Variants in SSH2 observed in about 807,000 individuals in gnomAD.
SSH2 encodes protein phosphatase Slingshot homolog 2.
SSH2 carries 37 observed loss-of-function variants against 135.2 expected under a neutral mutation model. That is an observed-to-expected ratio of 0.27 (90% CI 0.21 to 0.36). SSH2 has a LOEUF of 0.36. Ranked by LOEUF, SSH2 falls within the 10% of genes least tolerant of loss-of-function variation. The pLI is 1.00. For missense variants in SSH2, 1,408 were observed against 1,765.3 expected (o/e 0.80, Z 3.63); for synonymous variants, 628 against 646.2 (o/e 0.97, Z 0.43).
Position 29,630,936 on chromosome 17 carries a change from G to T in SSH2, c.4258C>A (p.Pro1420Thr), listed in dbSNP as rs779399086. The part of the protein sequence containing the change: ...ACPAPGLAVA[P>T]RQQHGRTHPL... ...TGAGTTCTGCCGTGTTGCTGACGGG[G>T]TGCCACGGCCAGCCCTGGAGCTGGG... Residue 1420 changes from proline (P) to threonine (T), a missense_variant, in exon 16 of 16, where the codon CCC (proline) becomes ACC (threonine). By Grantham distance (38) the Pro-to-Thr change is conservative. Transcript: ENST00000540801. 5 of 1,609,502 alleles carry T rather than the reference G, an allele frequency of 3.1e-6. 1 individual carries two copies. The highest frequency in any genetic ancestry group is 4.3e-6 in the Non-Finnish European group (5 of 1,176,084).
At chr17:29,844,376 A>G (rs1432101208) in intron 2 of SSH2, among the ~76,000 whole-genome samples, 1 of 152,262 alleles carries the variant, frequency 6.6e-6, no homozygotes, top group Non-Finnish European at 1.5e-5. Context: ...AAATAGCCCT[A>G]CAATGGTAAA....
chr17:29,782,409 G>T (rs137977051), intron 3 of SSH2, among the ~76,000 whole-genome samples: 1 of 152,156 alleles, frequency 6.6e-6, no homozygotes, highest in African/African-American at 2.4e-5. Flanking sequence ...CTAGCCATTT[G>T]CCTGAATTAC....
chr17:29,741,627 T>C (rs1267080970), intron 3 of SSH2, among the ~76,000 whole-genome samples: 2 of 126,942 alleles, frequency 1.6e-5, no homozygotes, highest in African/African-American at 2.9e-5. Flanking sequence ...TTTTTTTTTT[T>C]TTTTTGAGAC....
At chr17:29,846,325 T>A (rs999917449) in intron 2 of SSH2, among the ~76,000 whole-genome samples, 1 of 152,176 alleles carries the variant, frequency 6.6e-6, no homozygotes, top group African/African-American at 2.4e-5. Context: ...TGAGCCACTG[T>A]GCCCAGTCTG....
At chr17:29,808,568 C>T (rs546317998) in intron 2 of SSH2, among the ~76,000 whole-genome samples, 31 of 152,332 alleles carry the variant, frequency 2.0e-4, no homozygotes, top group African/African-American at 7.2e-4. Context: ...ACTATCTTAC[C>T]TCAATCTTCC....
intron 1 of SSH2, among the ~76,000 whole-genome samples, chr17:29,867,748 T>C (rs1476627942): frequency 2.0e-5 from 3 of 152,184 alleles, no homozygotes; most frequent in Non-Finnish European, 2.9e-5. Flanking sequence ...ACTACAAAGT[T>C]AGGTGTCAGA....
At position 29,630,541 on chromosome 17, in the gene SSH2, C is replaced by T; in HGVS notation, c.*300G>A. The T allele has an allele frequency of 5.0e-6, 1 of 198,792 alleles. No individual in the cohort carries two copies. The highest frequency in any genetic ancestry group is 1.7e-4 in the South Asian group (1 of 5,798). The allele number at this position is 198,792 out of a possible 1,614,324, so 12.3% of individuals were successfully genotyped here. On this transcript the variant is annotated 3_prime_UTR_variant, in exon 16 of 16. Coordinates refer to ENST00000540801, the MANE Select transcript of SSH2 (RefSeq NM_001282129.2). The stretch of plus-strand genomic sequence containing the variant: ...AGAGGGCAAAATGAGAAGCAGGTGG[C>T]AGCTGACTGAAAAACAGCAATTTGC...
chr17:29,663,001 G>A (rs2037116058), intron 11 of SSH2, among the ~76,000 whole-genome samples: 1 of 152,222 alleles, frequency 6.6e-6, no homozygotes, highest in Non-Finnish European at 1.5e-5. Context: ...CTCCAGGAGA[G>A]CTGATGATAC....
chr17:29,809,189 G>C (rs77342302), intron 2 of SSH2, among the ~76,000 whole-genome samples: 7,498 of 152,260 alleles, frequency 0.049, 587 homozygotes, highest in African/African-American at 0.17. Flanking sequence ...AGGAAGCGGA[G>C]GTTGCAGTCA....
intron 1 of SSH2, among the ~76,000 whole-genome samples, chr17:29,863,020 TA>T (rs1204780420): frequency 2.0e-5 from 3 of 152,098 alleles, no homozygotes; most frequent in African/African-American, 7.2e-5. Context: ...GGTCTGTTTT[TA>T]TACAGCCAGC....
intron 14 of SSH2, chr17:29,642,969 G>A (rs1311818470): frequency 3.8e-6 from 1 of 261,566 alleles, no homozygotes; most frequent in Non-Finnish European, 5.9e-6. Flanking sequence ...TCAGGGCTCT[G>A]CCTCTTTGAG....
intron 14 of SSH2, among the ~76,000 whole-genome samples, chr17:29,646,569 A>C (rs2150991902): frequency 6.6e-6 from 1 of 152,136 alleles, no homozygotes; most frequent in African/African-American, 2.4e-5. Flanking sequence ...GCGCGATCTC[A>C]ACTCACTGCA....
In SSH2 at chr17:29,861,700, ACTACAGG is replaced by A. The variant is rs72316298; in HGVS notation, c.64-12778_64-12772del. On this transcript the variant is annotated intron_variant, in intron 1 of 15. Transcript: ENST00000540801. ...TGCCTTAGCCTCCCAAGTAGCTGGG[ACTACAGG>A]CACCCGCCACCATGCTCGGCTTTGT... Among the ~76,000 whole-genome samples the A allele has an allele frequency of 4.5e-3, 690 of 152,142 alleles. 8 individuals carry two copies. The highest frequency in any genetic ancestry group is 0.016 in the African/African-American group (652 of 41,488).
intron 3 of SSH2, among the ~76,000 whole-genome samples, chr17:29,767,166 T>C (rs1173976940): frequency 2.6e-5 from 4 of 152,198 alleles, no homozygotes; most frequent in African/African-American, 9.6e-5. Context: ...AGGTGATCTC[T>C]AAGGCATTCA....
Position 29,872,338 on chromosome 17 carries a change from T to C in SSH2, c.64-23409A>G, listed in dbSNP as rs560919841. ...CCATTCAAGAATCAAAATAGTAATA[T>C]TAAAAAGAGTGTATATCCCTATTCC... On this transcript the variant is annotated intron_variant, in intron 1 of 15. Coordinates refer to ENST00000540801, the MANE Select transcript of SSH2 (RefSeq NM_001282129.2). 3.9e-5 allele frequency among the ~76,000 whole-genome samples: 6 copies of C among 152,116 alleles called. No homozygotes were observed. The South Asian group carries it at 1.2e-3, about 32-fold the overall frequency.
At chr17:29,927,197 ACTTAT>A (rs1162831183) in intron 1 of SSH2, among the ~76,000 whole-genome samples, 3 of 152,184 alleles carry the variant, frequency 2.0e-5, no homozygotes, top group African/African-American at 7.2e-5. Context: ...CCATTAGTGA[ACTTAT>A]CTTAATCTGA....
intron 6 of SSH2, among the ~76,000 whole-genome samples, chr17:29,681,476 T>C (rs2037987367): frequency 6.6e-6 from 1 of 151,812 alleles, no homozygotes; most frequent in Admixed American, 6.6e-5. Flanking sequence ...ACTACTTATT[T>C]TAGTAAATAT....
intron 2 of SSH2, among the ~76,000 whole-genome samples, chr17:29,814,747 T>G (rs1393234018): frequency 6.6e-6 from 1 of 152,018 alleles, no homozygotes; most frequent in Non-Finnish European, 1.5e-5. Context: ...ATTATATATT[T>G]AAAATAAAAA....
rs1442367020 is a variant in SSH2 at position 29,698,368 on chromosome 17, T to TGA, written c.293-2846_293-2845insTC. On this transcript the variant is annotated intron_variant, in intron 4 of 15. Coordinates refer to ENST00000540801, the MANE Select transcript of SSH2 (RefSeq NM_001282129.2). ...ATATGGTATGTGGATTATATCTCAATAAAGCTGTTAAACAAAAAATAAAAG... is the reference window on the plus strand; with the variant it reads ...ATATGGTATGTGGATTATATCTCAATGAAAAGCTGTTAAACAAAAAATAAAAG... Among the ~76,000 whole-genome samples the TGA allele has an allele frequency of 2.6e-5, 4 of 152,258 alleles. No homozygotes were observed. In the South Asian group the frequency reaches 6.2e-4, roughly 24 times the overall value.
Sources: gnomAD v4.1 joint callset for allele counts (sites outside exome capture counted in the v4.1 genomes callset) on GRCh38, gnomAD v4.1.1 for gene constraint, MANE v1.5 for transcripts, NCBI Gene and HGNC (gene_info 2026-07-23, HGNC 2026-07-21) for gene names.